Variants in PLCXD3 observed in about 807,000 individuals in gnomAD.
PLCXD3 encodes phosphatidylinositol specific phospholipase C X domain containing 3, also known as PI-PLC X domain-containing protein 3.
In PLCXD3, 19 loss-of-function variants were observed where a neutral mutation model predicts 25.5. The ratio of observed to expected loss-of-function variants is 0.75; its 90% CI spans 0.52 to 1.09. The LOEUF (loss-of-function observed/expected upper bound fraction) is 1.09. Ranked by LOEUF, PLCXD3 falls within the 50% of genes least tolerant of loss-of-function variation. The pLI is 0.00. For missense variants in PLCXD3, 411 were observed against 388.1 expected (o/e 1.06, Z -0.50); for synonymous variants, 174 against 137.6 (o/e 1.26, Z -1.85).
intron 2 of PLCXD3, among the ~76,000 whole-genome samples, chr5:41,334,819 A>G (rs1743933736): frequency 6.6e-6 from 1 of 152,250 alleles, no homozygotes; most frequent in African/African-American, 2.4e-5. Context: ...GTTTGCTCCA[A>G]GTCAGGGTTT....
chr5:41,340,440 G>T (rs1233112077), intron 2 of PLCXD3, among the ~76,000 whole-genome samples: 1 of 152,108 alleles, frequency 6.6e-6, no homozygotes, highest in African/African-American at 2.4e-5. Flanking sequence ...TAGACCAGAA[G>T]AACCATTTGA....
chr5:41,467,365 G>A (rs150277587), intron 1 of PLCXD3, among the ~76,000 whole-genome samples: 62 of 152,266 alleles, frequency 4.1e-4, no homozygotes, highest in Middle Eastern at 6.8e-3. Flanking sequence ...TGAGAAATGT[G>A]TGTTCAAGTC....
chr5:41,425,564 T>G (rs545109692), intron 1 of PLCXD3, among the ~76,000 whole-genome samples: 15 of 152,312 alleles, frequency 9.8e-5, no homozygotes, highest in African/African-American at 3.6e-4. Context: ...TATAATGACA[T>G]TTATCTACCA....
At chr5:41,440,421 C>T (rs540802550) in intron 1 of PLCXD3, among the ~76,000 whole-genome samples, 27 of 151,090 alleles carry the variant, frequency 1.8e-4, no homozygotes, top group Admixed American at 5.3e-4. Flanking sequence ...TTAGTAGAGA[C>T]GGGGTTTCAC....
intron 2 of PLCXD3, among the ~76,000 whole-genome samples, chr5:41,373,920 C>G (rs761763456): frequency 7.9e-5 from 12 of 151,994 alleles, no homozygotes; most frequent in Non-Finnish European, 1.5e-4. Context: ...CTAAGTAACA[C>G]AAGACAGAAG....
intron 1 of PLCXD3, among the ~76,000 whole-genome samples, chr5:41,474,461 T>G (rs1748236640): frequency 6.6e-6 from 1 of 152,182 alleles, no homozygotes; most frequent in Non-Finnish European, 1.5e-5. Flanking sequence ...TGACCCTCAT[T>G]CTTTCAGCCT....
At chr5:41,490,690 C>T (rs917877968) in intron 1 of PLCXD3, among the ~76,000 whole-genome samples, 1 of 152,120 alleles carries the variant, frequency 6.6e-6, no homozygotes, top group Non-Finnish European at 1.5e-5. Flanking sequence ...GGAATTTATC[C>T]ATTTCTTCTA....
chr5:41,343,894 ATTTG>A (rs1744227910), intron 2 of PLCXD3, among the ~76,000 whole-genome samples: 1 of 152,112 alleles, frequency 6.6e-6, no homozygotes, highest in African/African-American at 2.4e-5. Context: ...CAATTGGATG[ATTTG>A]TTTGTCTGAT....
At chr5:41,393,444 C>T (rs1397175242) in intron 1 of PLCXD3, among the ~76,000 whole-genome samples, 1 of 152,056 alleles carries the variant, frequency 6.6e-6, no homozygotes, top group Non-Finnish European at 1.5e-5. Context: ...AAGCTTTTAC[C>T]CTAGAATAGT....
chr5:41,441,244 A>G (rs886111180), intron 1 of PLCXD3, among the ~76,000 whole-genome samples: 1 of 152,216 alleles, frequency 6.6e-6, no homozygotes, highest in Non-Finnish European at 1.5e-5. Context: ...ACCTGGCAAA[A>G]AGGATACACC....
chr5:41,313,696 T>C lies in PLCXD3; in HGVS notation c.887A>G (p.Asp296Gly), dbSNP rs1464002509. Residue 296 changes from aspartate (D) to glycine (G), a missense_variant, in exon 3 of 3, where the codon GAT (aspartate) becomes GGT (glycine). By Grantham distance (94) the Asp-to-Gly change is moderately conservative. Coordinates refer to ENST00000377801, the MANE Select transcript of PLCXD3 (RefSeq NM_001005473.3). ...GATAAAGTCACCAAGTTCTACAAAA[T>C]CGGCAGTGACAATATTGATGCCACT... ...GESGINIVTA[D>G]FVELGDFIST... is the part of the protein sequence containing the mutation. 1 of 1,613,836 alleles carries C rather than the reference T, an allele frequency of 6.2e-7. No individual in the cohort carries two copies. Among genetic ancestry groups the C allele is most frequent in the Non-Finnish European group, 8.5e-7 (1 of 1,179,838 alleles).
intron 2 of PLCXD3, among the ~76,000 whole-genome samples, chr5:41,353,153 C>T (rs899868425): frequency 2.0e-4 from 30 of 147,444 alleles, no homozygotes; most frequent in Admixed American, 3.5e-4. Context: ...AGTGCAGTGG[C>T]GCGATCTCCG....
At chr5:41,504,165 C>T (rs111732286) in intron 1 of PLCXD3, among the ~76,000 whole-genome samples, 45 of 152,236 alleles carry the variant, frequency 3.0e-4, no homozygotes, top group Middle Eastern at 3.4e-3. Flanking sequence ...AATATAGACC[C>T]TAGCTGTGTT....
intron 1 of PLCXD3, among the ~76,000 whole-genome samples, chr5:41,419,290 A>G (rs927277871): frequency 1.3e-5 from 2 of 152,160 alleles, no homozygotes; most frequent in African/African-American, 4.8e-5. Context: ...TATCATCAGG[A>G]ATTCCAAGGC....
At chr5:41,491,890 T>C (rs1360710339) in intron 1 of PLCXD3, among the ~76,000 whole-genome samples, 2 of 152,186 alleles carry the variant, frequency 1.3e-5, no homozygotes, top group East Asian at 3.9e-4. Context: ...CTTTATCGCA[T>C]TTGCCAGTCT....
chr5:41,324,083 G>A (rs1743552714), intron 2 of PLCXD3, among the ~76,000 whole-genome samples: 1 of 152,118 alleles, frequency 6.6e-6, no homozygotes, highest in African/African-American at 2.4e-5. Flanking sequence ...TTTTGAGGAG[G>A]AGGAAGAAAA....
Position 41,382,275 on chromosome 5 carries a change from G to A in PLCXD3, c.363C>T (p.Val121=), listed in dbSNP as rs1245695783. 1 of 1,613,674 alleles carries A rather than the reference G, an allele frequency of 6.2e-7. No individual in the cohort carries two copies. The highest frequency in any genetic ancestry group is 1.7e-5 in the Admixed American group (1 of 59,948). The change falls in exon 2 of 3, where the codon GTC becomes GTT. Residue 121 remains valine, a synonymous_variant. Coordinates refer to ENST00000377801, the MANE Select transcript of PLCXD3 (RefSeq NM_001005473.3). ...YFAHGLFSAK[V]NEGLEEINAF... ...CATTGATCTCCTCAAGGCCTTCATT[G>A]ACTTTGGCACTGAACAAACCATGAG... is the stretch of plus-strand genomic sequence containing the variant.
intron 2 of PLCXD3, among the ~76,000 whole-genome samples, chr5:41,365,478 T>C (rs1193153929): frequency 6.6e-6 from 1 of 152,188 alleles, no homozygotes; most frequent in East Asian, 1.9e-4. Flanking sequence ...TAGGTTTGCC[T>C]TTTATAAAAA....
At chr5:41,450,204 G>C (rs760898376) in intron 1 of PLCXD3, among the ~76,000 whole-genome samples, 3 of 152,112 alleles carry the variant, frequency 2.0e-5, no homozygotes, top group Admixed American at 2.0e-4. Context: ...CTGGGAGGGT[G>C]CTGTATAAAG....
Sources: gnomAD v4.1 joint callset for allele counts (sites outside exome capture counted in the v4.1 genomes callset) on GRCh38, gnomAD v4.1.1 for gene constraint, MANE v1.5 for transcripts, NCBI Gene and HGNC (gene_info 2026-07-23, HGNC 2026-07-21) for gene names.